SOX5: variants seen among roughly 807,000 people sequenced by gnomAD.
SOX5 encodes transcription factor SOX-5.
In SOX5, 9 loss-of-function variants were observed where a neutral mutation model predicts 92.0. The ratio of observed to expected loss-of-function variants is 0.10; its 90% CI spans 0.06 to 0.17. The LOEUF (loss-of-function observed/expected upper bound fraction) is 0.17. Ranked by LOEUF, SOX5 falls within the 10% of genes least tolerant of loss-of-function variation. The pLI is 1.00. For missense variants in SOX5, 642 were observed against 944.5 expected, an observed-to-expected ratio of 0.68 and a Z score of 4.20; for synonymous variants, 344 against 336.3, an observed-to-expected ratio of 1.02 and a Z score of -0.25.
At chr12:23,724,887 G>A (rs2093032604) in intron 6 of SOX5, among the ~76,000 whole-genome samples, 1 of 152,210 alleles carries the variant, frequency 6.6e-6, no homozygotes, top group South Asian at 2.1e-4. Flanking sequence ...GCAGCTATGT[G>A]AAAAATCTAC....
At chr12:24,246,338 G>T (rs1938708989) in intron 3 of SOX5, among the ~76,000 whole-genome samples, 1 of 149,144 alleles carries the variant, frequency 6.7e-6, no homozygotes, top group African/African-American at 2.5e-5. Context: ...GGTTATATCA[G>T]TCATTGTCCG....
chr12:24,150,233 G>T (rs1951519065), intron 4 of SOX5, among the ~76,000 whole-genome samples: 2 of 152,096 alleles, frequency 1.3e-5, no homozygotes, highest in Admixed American at 6.6e-5. Context: ...TTGCAACCTG[G>T]ATTTTCTCTA....
upstream of SOX5, among the ~76,000 whole-genome samples, chr12:23,954,748 G>C (rs1946078930): frequency 6.6e-6 from 1 of 152,000 alleles, no homozygotes; most frequent in African/African-American, 2.4e-5. Flanking sequence ...TCTATTGTCA[G>C]TTGGTTAGAA....
At chr12:24,067,866 C>A (rs1398727657) in intron 4 of SOX5, among the ~76,000 whole-genome samples, 1 of 152,130 alleles carries the variant, frequency 6.6e-6, no homozygotes, top group Non-Finnish European at 1.5e-5. Flanking sequence ...CAAGGGAGGC[C>A]AGGTGCGGCG....
At chr12:23,841,751 A>T (rs979112132) in intron 3 of SOX5, among the ~76,000 whole-genome samples, 1 of 152,138 alleles carries the variant, frequency 6.6e-6, no homozygotes, top group African/African-American at 2.4e-5. Context: ...AAAACTATAC[A>T]TGGTAATAAG....
chr12:23,871,839 G>A (rs901227814), intron 2 of SOX5, among the ~76,000 whole-genome samples: 2 of 152,034 alleles, frequency 1.3e-5, no homozygotes, highest in African/African-American at 4.8e-5. Flanking sequence ...TTCCGGCACT[G>A]TGCCTACAGT....
intron 1 of SOX5, among the ~76,000 whole-genome samples, chr12:24,554,277 G>A (rs547076544): frequency 6.6e-6 from 1 of 152,304 alleles, no homozygotes; most frequent in Non-Finnish European, 1.5e-5. Context: ...ACTATGGAAG[G>A]TATAAACCTG....
intron 2 of SOX5, among the ~76,000 whole-genome samples, chr12:24,282,560 A>G (rs1385197424): frequency 6.6e-6 from 1 of 152,018 alleles, no homozygotes; most frequent in Non-Finnish European, 1.5e-5. Flanking sequence ...GCCCAATTTG[A>G]ACAGGAAAAC....
intron 1 of SOX5, among the ~76,000 whole-genome samples, chr12:24,425,392 G>A (rs959190109): frequency 1.3e-5 from 2 of 152,134 alleles, no homozygotes; most frequent in African/African-American, 2.4e-5. Flanking sequence ...AAGAAACTTC[G>A]ACAGGCATCA....
intron 2 of SOX5, among the ~76,000 whole-genome samples, chr12:24,298,551 A>T (rs918132814): frequency 6.6e-6 from 1 of 152,216 alleles, no homozygotes; most frequent in Non-Finnish European, 1.5e-5. Flanking sequence ...TTATGTAGAA[A>T]TGTTATACTC....
intron 11 of SOX5, among the ~76,000 whole-genome samples, chr12:23,557,634 A>G (rs938284080): frequency 2.0e-5 from 3 of 152,200 alleles, no homozygotes; most frequent in African/African-American, 7.2e-5. Flanking sequence ...TCTTGTGCAC[A>G]TGCTTCTGTG....
At chr12:24,372,979 G>A (rs931835863) in intron 1 of SOX5, among the ~76,000 whole-genome samples, 2 of 151,686 alleles carry the variant, frequency 1.3e-5, no homozygotes, top group Non-Finnish European at 2.9e-5. Context: ...ACTGCTGGGT[G>A]TGGCGGCACA....
chr12:23,962,569 C>T lies in SOX5; in HGVS notation c.-1-66545G>A, dbSNP rs573442590. Among the ~76,000 whole-genome samples, 182 of 152,208 alleles carry T rather than the reference C, an allele frequency of 1.2e-3. 1 individual carries two copies. The highest frequency in any genetic ancestry group is 4.3e-3 in the African/African-American group (177 of 41,540). On this transcript the variant is annotated intron_variant, in intron 4 of 4. Coordinates refer to the SOX5 transcript ENST00000446891. ...TATTTGAGAAAAAATAATGGACTAG[C>T]CTCTGCTTTCATAACATAACGGAAC...
intron 4 of SOX5, among the ~76,000 whole-genome samples, chr12:24,186,662 TA>T (rs1305262215): frequency 6.6e-6 from 1 of 152,006 alleles, no homozygotes; most frequent in African/African-American, 2.4e-5. Context: ...TTTAACTATA[TA>T]AAAAAAGTAT....
At chr12:23,570,092 AGAT>A (rs1378190282) in intron 10 of SOX5, among the ~76,000 whole-genome samples, 2 of 152,220 alleles carry the variant, frequency 1.3e-5, no homozygotes, top group African/African-American at 4.8e-5. Context: ...TGAATTTAAC[AGAT>A]GATATTAGTG....
intron 13 of SOX5, among the ~76,000 whole-genome samples, chr12:23,538,818 T>TTTTTTG (rs1941225783): frequency 1.8e-5 from 2 of 113,850 alleles, no homozygotes; most frequent in African/African-American, 3.1e-5. Flanking sequence ...TTTTTTTTTT[T>TTTTTTG]GAGACAGAGT....
chr12:24,355,642 C>G (rs373359881), intron 2 of SOX5, among the ~76,000 whole-genome samples: 3 of 152,110 alleles, frequency 2.0e-5, no homozygotes, highest in African/African-American at 7.2e-5. Context: ...TAAAAACAAA[C>G]TGTTTATTTT....
intron 8 of SOX5, among the ~76,000 whole-genome samples, chr12:23,606,312 A>G (rs1008643593): frequency 7.9e-5 from 12 of 151,866 alleles, no homozygotes; most frequent in Non-Finnish European, 1.6e-4. Flanking sequence ...ACTATATTAC[A>G]TTTTATGAAT....
At chr12:23,665,805 G>T (rs748945074) in intron 6 of SOX5, among the ~76,000 whole-genome samples, 1 of 152,116 alleles carries the variant, frequency 6.6e-6, no homozygotes, top group African/African-American at 2.4e-5. Context: ...ATAGTTTCCC[G>T]AAATGATATC....
Sources: allele counts gnomAD v4.1 joint callset (sites outside exome capture counted in the v4.1 genomes callset), GRCh38; gene constraint gnomAD v4.1.1; transcripts MANE v1.5; gene names NCBI Gene and HGNC (gene_info 2026-07-23, HGNC 2026-07-21).